PAK2: variants seen among roughly 807,000 people sequenced by gnomAD.
PAK2 encodes p21 (RAC1) activated kinase 2.
A neutral mutation model predicts 65.9 loss-of-function variants in PAK2; 21 were observed. That is an observed-to-expected ratio of 0.32 (90% confidence interval 0.23 to 0.46). PAK2 has a LOEUF of 0.46. Ranked by LOEUF, PAK2 falls within the 20% of genes least tolerant of loss-of-function variation. The pLI, the probability that PAK2 is intolerant of heterozygous loss-of-function variation, is 1.00. For missense variants in PAK2, 324 were observed against 642.6 expected (o/e 0.50, Z 5.36); for synonymous variants, 204 against 219.7 (o/e 0.93, Z 0.63).
chr3:196,816,931 T>C (rs1430086917), intron 11 of PAK2, among the ~76,000 whole-genome samples: 1 of 152,080 alleles, frequency 6.6e-6, no homozygotes, highest in African/African-American at 2.4e-5. Context: ...TAATATAAAA[T>C]CGGGCACTGA....
intron 1 of PAK2, among the ~76,000 whole-genome samples, chr3:196,768,405 A>C (rs1391122153): frequency 1.3e-5 from 2 of 151,794 alleles, no homozygotes. Flanking sequence ...TCCTTCCTAC[A>C]TTCTTTGGAT....
chr3:196,759,168 A>G (rs1713861166), intron 1 of PAK2, among the ~76,000 whole-genome samples: 2 of 152,184 alleles, frequency 1.3e-5, no homozygotes, highest in African/African-American at 4.8e-5. Flanking sequence ...AATACTATAA[A>G]TGGTTTTTGT....
At chr3:196,824,328 C>T (rs1056459862) in intron 13 of PAK2, among the ~76,000 whole-genome samples, 1 of 152,120 alleles carries the variant, frequency 6.6e-6, no homozygotes, top group African/African-American at 2.4e-5. Flanking sequence ...AGCCAGGACC[C>T]AGCAATCACC....
At chr3:196,749,979 C>T (rs1384878990) in intron 1 of PAK2, among the ~76,000 whole-genome samples, 4 of 143,222 alleles carry the variant, frequency 2.8e-5, no homozygotes, top group Non-Finnish European at 6.0e-5. Flanking sequence ...GCTACCTTAC[C>T]TGGCTATTTC....
chr3:196,743,126 A>T (rs2669634), intron 1 of PAK2, among the ~76,000 whole-genome samples: 1 of 151,508 alleles, frequency 6.6e-6, no homozygotes, highest in Non-Finnish European at 1.5e-5. Flanking sequence ...CATTGCCCCC[A>T]AAAAATAAAA....
chr3:196,802,326 C>G (rs776826365), intron 3 of PAK2, among the ~76,000 whole-genome samples: 2 of 151,974 alleles, frequency 1.3e-5, no homozygotes, highest in South Asian at 2.1e-4. Flanking sequence ...ATTTGAACCT[C>G]GGAGATGGAG....
At chr3:196,745,800 C>G (rs1033215379) in intron 1 of PAK2, among the ~76,000 whole-genome samples, 16 of 142,870 alleles carry the variant, frequency 1.1e-4, no homozygotes, top group Non-Finnish European at 2.3e-4. Flanking sequence ...GGCAACAGAA[C>G]GAGACTCCAT....
intron 2 of PAK2, among the ~76,000 whole-genome samples, chr3:196,796,094 G>A (rs1247367657): frequency 6.6e-6 from 1 of 152,206 alleles, no homozygotes. Flanking sequence ...CGGAGCTCGG[G>A]CGGTGATGCT....
At chr3:196,754,058 A>G (rs1427695004) in intron 1 of PAK2, among the ~76,000 whole-genome samples, 4 of 152,016 alleles carry the variant, frequency 2.6e-5, no homozygotes, top group Non-Finnish European at 4.4e-5. Flanking sequence ...TTTCACTTCT[A>G]ATGTTGGCTT....
chr3:196,826,705 GAGGTCA>G (rs1711889437), intron 13 of PAK2, among the ~76,000 whole-genome samples: 3 of 152,116 alleles, frequency 2.0e-5, no homozygotes, highest in Admixed American at 2.0e-4. Context: ...TGGATCATTT[GAGGTCA>G]GGAGTTCAAG....
chr3:196,797,577 C>A (rs892928494), intron 2 of PAK2, among the ~76,000 whole-genome samples: 1 of 151,814 alleles, frequency 6.6e-6, no homozygotes, highest in Non-Finnish European at 1.5e-5. Context: ...CATGGTGAAA[C>A]CCTGTCTCTA....
intron 1 of PAK2, among the ~76,000 whole-genome samples, chr3:196,753,352 C>G (rs1041077284): frequency 6.6e-6 from 1 of 152,008 alleles, no homozygotes; most frequent in Non-Finnish European, 1.5e-5. Context: ...TCAGGCAGTC[C>G]TCCCATCTCA....
intron 1 of PAK2, among the ~76,000 whole-genome samples, chr3:196,743,583 C>A (rs1043388379): frequency 6.6e-6 from 1 of 152,042 alleles, no homozygotes; most frequent in Non-Finnish European, 1.5e-5. Context: ...TGCGGTGGCT[C>A]ACACCTGTAA....
intron 1 of PAK2, among the ~76,000 whole-genome samples, chr3:196,772,547 A>G (rs1714393134): frequency 6.6e-6 from 1 of 152,170 alleles, no homozygotes; most frequent in South Asian, 2.1e-4. Flanking sequence ...TGTTTTCTGC[A>G]TCTCTTTTCT....
intron 2 of PAK2, among the ~76,000 whole-genome samples, chr3:196,783,961 C>A (rs181264293): frequency 3.3e-4 from 51 of 152,292 alleles, no homozygotes; most frequent in African/African-American, 1.2e-3. Context: ...TTTGGCCAGT[C>A]TCCTATCTGT....
Position 196,782,805 on chromosome 3 carries a change from C to T in PAK2, c.159C>T (p.Ile53=). ...VPEEKKPRHK[I]ISIFSGTEKG... is the part of the protein sequence containing the mutation. ...AAGAGAAAAAGCCCAGGCATAAAAT[C>T]ATCTCCATATTCTCAGGCACAGAGA... Residue 53 remains isoleucine, a synonymous_variant, in exon 2 of 15, where the codon ATC becomes ATT. Coordinates refer to ENST00000327134, the MANE Select transcript of PAK2 (RefSeq NM_002577.4). 1 of 1,612,766 alleles carries T rather than the reference C, an allele frequency of 6.2e-7. No individual in the cohort carries two copies. Among genetic ancestry groups the T allele is most frequent in the Non-Finnish European group, 8.5e-7 (1 of 1,179,306 alleles).
At chr3:196,751,666 T>TG (rs1560089758) in intron 1 of PAK2, among the ~76,000 whole-genome samples, 30 of 41,344 alleles carry the variant, frequency 7.3e-4, no homozygotes, top group African/African-American at 2.2e-3. Context: ...CACAAATTTA[T>TG]TTATATACAT....
In PAK2 at chr3:196,800,789, T is replaced by TTA. The variant is rs1181083778; in HGVS notation, c.188-1127_188-1126dup. Among the ~76,000 whole-genome samples, 8 of 152,132 alleles carry TTA rather than the reference T, an allele frequency of 5.3e-5. No homozygotes were observed. In the Middle Eastern group the frequency reaches 0.017, roughly 323 times the overall value. ...CACTGGAAATGCTGAGGGTTCCAACTTATATATATATAAAATTAGTGAAGA... is the reference window on the plus strand; with the variant it reads ...CACTGGAAATGCTGAGGGTTCCAACTTATATATATATATAAAATTAGTGAAGA... On this transcript the variant is annotated intron_variant, in intron 2 of 14. Transcript: ENST00000327134.
chr3:196,762,482 G>A (rs1289714369), intron 1 of PAK2, among the ~76,000 whole-genome samples: 1 of 150,562 alleles, frequency 6.6e-6, no homozygotes, highest in Non-Finnish European at 1.5e-5. Context: ...ATCACTCGCG[G>A]TTAGGGGCTG....
Sources: gnomAD v4.1 joint callset for allele counts (sites outside exome capture counted in the v4.1 genomes callset) on GRCh38, gnomAD v4.1.1 for gene constraint, MANE v1.5 for transcripts, NCBI Gene and HGNC (gene_info 2026-07-23, HGNC 2026-07-21) for gene names.